Variants in GPC6 observed in about 807,000 individuals in gnomAD.
GPC6 encodes the protein glypican-6.
GPC6 carries 14 observed loss-of-function variants against 55.2 expected under a neutral mutation model. That is an observed-to-expected ratio of 0.25 (90% confidence interval 0.17 to 0.40). The LOEUF (loss-of-function observed/expected upper bound fraction) is 0.40. Ranked by LOEUF, GPC6 falls within the 10% of genes least tolerant of loss-of-function variation. The probability of loss-of-function intolerance (pLI) is 1.00; values close to 1 mark genes in which losing one functional copy is unlikely to be tolerated. For synonymous variants in GPC6, 278 were observed against 259.6 expected, an observed-to-expected ratio of 1.07 and a Z score of -0.68; for missense variants, 641 against 708.5, an observed-to-expected ratio of 0.90 and a Z score of 1.08.
At chr13:93,455,236 A>T (rs1333041437) in intron 1 of GPC6, among the ~76,000 whole-genome samples, 1 of 152,180 alleles carries the variant, frequency 6.6e-6, no homozygotes, top group Non-Finnish European at 1.5e-5. Flanking sequence ...GGGCTCCCAC[A>T]GTGCAGCGGT....
rs536688831 is a variant in GPC6 at position 94,163,811 on chromosome 13, G to A, written c.878-122538G>A. Among the ~76,000 whole-genome samples the A allele has an allele frequency of 2.8e-3, 422 of 152,200 alleles. 4 individuals are homozygous for A. The highest frequency in any genetic ancestry group is 4.7e-3 in the Non-Finnish European group (319 of 68,016). ...AATCTTAATTTTCTTAAAATTGGAG[G>A]CAGGATTTAGGACACTTGGAAAGGC... is the stretch of plus-strand genomic sequence containing the variant. On this transcript the variant is annotated intron_variant, in intron 4 of 8. Coordinates refer to ENST00000377047, the MANE Select transcript of GPC6 (RefSeq NM_005708.5).
chr13:94,056,192 CAT>C (rs981789560), intron 4 of GPC6, among the ~76,000 whole-genome samples: 3 of 152,192 alleles, frequency 2.0e-5, no homozygotes, highest in African/African-American at 4.8e-5. Flanking sequence ...TTTGGACACA[CAT>C]GTCTTGTAAC....
At chr13:94,168,161 G>A (rs75212267) in intron 4 of GPC6, among the ~76,000 whole-genome samples, 234 of 152,306 alleles carry the variant, frequency 1.5e-3, no homozygotes, top group Admixed American at 4.2e-3. Flanking sequence ...AGAGCCAAAC[G>A]TTGTACTTGG....
chr13:93,876,808 A>G (rs1874618259), intron 3 of GPC6, among the ~76,000 whole-genome samples: 1 of 152,058 alleles, frequency 6.6e-6, no homozygotes, highest in Admixed American at 6.6e-5. Context: ...CTTACATTAA[A>G]TGCAAAATGA....
At chr13:93,660,075 A>G (rs1010119086) in intron 2 of GPC6, among the ~76,000 whole-genome samples, 8 of 152,088 alleles carry the variant, frequency 5.3e-5, no homozygotes, top group African/African-American at 1.9e-4. Context: ...GAAAGAACAG[A>G]AATTTGAAAA....
chr13:93,400,338 C>CAAAAAAAAAATAAAAAAAAAAAA (rs1876022924), intron 1 of GPC6, among the ~76,000 whole-genome samples: 1 of 142,008 alleles, frequency 7.0e-6, no homozygotes. Context: ...AGGCACTGGT[C>CAAAAAAAAAATAAAAAAAAAAAA]AAAAAAAAAA....
chr13:94,329,044 T>C (rs940368026), intron 6 of GPC6, among the ~76,000 whole-genome samples: 8 of 152,098 alleles, frequency 5.3e-5, no homozygotes, highest in Non-Finnish European at 8.8e-5. Flanking sequence ...GGGGCTGAAA[T>C]GGAGTTGGTG....
intron 2 of GPC6, among the ~76,000 whole-genome samples, chr13:93,738,949 A>T (rs1011545692): frequency 1.5e-5 from 2 of 137,322 alleles, no homozygotes; most frequent in Non-Finnish European, 3.1e-5. Context: ...ACACACACAC[A>T]CACACACACA....
At chr13:93,855,096 G>C (rs200925732) in intron 3 of GPC6, among the ~76,000 whole-genome samples, 1 of 151,530 alleles carries the variant, frequency 6.6e-6, no homozygotes, top group East Asian at 2.0e-4. Context: ...TGTAGGTTTG[G>C]ACAAACATCT....
intron 2 of GPC6, among the ~76,000 whole-genome samples, chr13:93,780,282 AAAC>A (rs1885597627): frequency 6.6e-6 from 1 of 152,064 alleles, no homozygotes; most frequent in Non-Finnish European, 1.5e-5. Flanking sequence ...AAGCAAAAAA[AAAC>A]ACATTGTTTT....
chr13:93,617,898 T>C (rs541323732), intron 2 of GPC6, among the ~76,000 whole-genome samples: 1 of 152,196 alleles, frequency 6.6e-6, no homozygotes, highest in South Asian at 2.1e-4. Flanking sequence ...TCCTTACATA[T>C]ACTAAAAACA....
chr13:93,470,040 T>C (rs1355360382), intron 1 of GPC6, among the ~76,000 whole-genome samples: 4 of 152,156 alleles, frequency 2.6e-5, no homozygotes, highest in Non-Finnish European at 5.9e-5. Flanking sequence ...AGACTTGAAA[T>C]TGGATAGTGT....
intron 3 of GPC6, among the ~76,000 whole-genome samples, chr13:93,974,281 T>A (rs1254896596): frequency 2.6e-5 from 4 of 152,204 alleles, no homozygotes; most frequent in African/African-American, 7.2e-5. Flanking sequence ...GGTCTTTCTG[T>A]GATTAAAAAA....
At chr13:93,574,649 G>A (rs1876570963) in intron 2 of GPC6, among the ~76,000 whole-genome samples, 1 of 152,094 alleles carries the variant, frequency 6.6e-6, no homozygotes, top group African/African-American at 2.4e-5. Flanking sequence ...ACAGAGATGT[G>A]CAACCATCAC....
intron 3 of GPC6, among the ~76,000 whole-genome samples, chr13:93,858,059 C>A (rs2139022130): frequency 6.6e-6 from 1 of 151,470 alleles, no homozygotes; most frequent in East Asian, 2.0e-4. Flanking sequence ...TCTACAACTA[C>A]CCTTTAAAAC....
chr13:93,438,809 G>T (rs1877668477), intron 1 of GPC6, among the ~76,000 whole-genome samples: 1 of 152,160 alleles, frequency 6.6e-6, no homozygotes. Flanking sequence ...TCTACTGTGG[G>T]TACAATGCTG....
At chr13:94,206,747 G>C (rs758365090) in intron 4 of GPC6, among the ~76,000 whole-genome samples, 10 of 152,140 alleles carry the variant, frequency 6.6e-5, no homozygotes, top group Non-Finnish European at 1.5e-4. Context: ...CAGCTACTCA[G>C]CAGGCTGTGG....
rs115155129 is a variant in GPC6 at position 93,986,137 on chromosome 13, T to A, written c.712-41592T>A. 4.4e-3 allele frequency among the ~76,000 whole-genome samples: 663 copies of A among 152,354 alleles called. 9 individuals carry two copies. The highest frequency in any genetic ancestry group is 0.015 in the African/African-American group (635 of 41,586). On this transcript the variant is annotated intron_variant, in intron 3 of 8. Transcript: ENST00000377047. ...AATTTAAATGTTGTGTGACATAGTTTGAGCCATAATATTCTTTCTGTCTTT... is the reference window on the plus strand; with the variant it reads ...AATTTAAATGTTGTGTGACATAGTTAGAGCCATAATATTCTTTCTGTCTTT...
In GPC6 at chr13:93,436,497, A is replaced by G. The variant is rs370113960; in HGVS notation, c.161-108766A>G. On this transcript the variant is annotated intron_variant, in intron 1 of 8. Transcript: ENST00000377047. ...TCTATCTGACAGACATGCTGGAGGC[A>G]ATGAGAGAGGAACTGTAATGGTAGG... 1.1e-4 allele frequency among the ~76,000 whole-genome samples: 17 copies of G among 152,272 alleles called. No individual in the cohort carries two copies. The East Asian group carries it at 3.1e-3, about 28-fold the overall frequency.
Sources: allele counts gnomAD v4.1 joint callset (sites outside exome capture counted in the v4.1 genomes callset), GRCh38; gene constraint gnomAD v4.1.1; transcripts MANE v1.5; gene names NCBI Gene and HGNC (gene_info 2026-07-23, HGNC 2026-07-21).